UNC80: variants seen among roughly 807,000 people sequenced by gnomAD.
The protein encoded by UNC80 is unc-80 subunit of NALCN channel complex.
UNC80 carries 164 observed loss-of-function variants against 384.6 expected under a neutral mutation model. The observed-to-expected ratio is 0.43, with a 90% CI of 0.38 to 0.49. The LOEUF (loss-of-function observed/expected upper bound fraction) is 0.49, where lower values mean the gene tolerates loss of function less well. Ranked by LOEUF, UNC80 falls within the 20% of genes least tolerant of loss-of-function variation. UNC80 has a pLI of 0.00. For synonymous variants in UNC80, 1,486 were observed against 1,527.8 expected (o/e 0.97, Z 0.64); for missense variants, 3,330 against 4,143.0 (o/e 0.80, Z 5.39).
chr2:209,865,235 T>C (rs2083644625), intron 22 of UNC80, among the ~76,000 whole-genome samples: 1 of 151,866 alleles, frequency 6.6e-6, no homozygotes, highest in Non-Finnish European at 1.5e-5. Flanking sequence ...ATTATGTTTT[T>C]TTTTTCAATG....
chr2:209,928,372 T>C (rs1245393923), intron 36 of UNC80, among the ~76,000 whole-genome samples: 1 of 152,040 alleles, frequency 6.6e-6, no homozygotes, highest in African/African-American at 2.4e-5. Context: ...CACGTAAATA[T>C]ATATTTCATG....
chr2:209,881,141 A>G (rs1488497584), intron 25 of UNC80, 47 bp downstream of exon 25: 9 of 1,535,116 alleles, frequency 5.9e-6, no homozygotes, highest in Non-Finnish European at 7.0e-6. Context: ...CGGAGAGGCC[A>G]GGCGTGTGTC....
At chr2:209,943,262 A>G (rs2124981375) in intron 44 of UNC80, 118 bp from the exon 45 acceptor site, 1 of 1,302,816 alleles carries the variant, frequency 7.7e-7, no homozygotes, top group Non-Finnish European at 1.0e-6. Context: ...ATTCCTCTCT[A>G]CCAGTTTACA....
intron 17 of UNC80, 58 bp downstream of exon 17, chr2:209,834,226 CT>C (rs2081190376): frequency 6.7e-7 from 1 of 1,501,184 alleles, no homozygotes; most frequent in African/African-American, 1.4e-5. Context: ...AGAATAAAAT[CT>C]GTTGTACTGT....
At chr2:209,934,345 T>C (rs112047903) in intron 39 of UNC80, among the ~76,000 whole-genome samples, 23 of 152,280 alleles carry the variant, frequency 1.5e-4, no homozygotes, top group Non-Finnish European at 1.0e-4. Flanking sequence ...AAGAATAATA[T>C]TGTTTGTATG....
intron 43 of UNC80, 61 bp downstream of exon 43, chr2:209,939,713 T>C: frequency 7.1e-7 from 1 of 1,409,278 alleles, no homozygotes; most frequent in Non-Finnish European, 9.4e-7. Context: ...TTGTTTTTTT[T>C]TAAAATTTTA....
At chr2:209,815,657 T>C (rs2079682264) in intron 9 of UNC80, among the ~76,000 whole-genome samples, 1 of 152,122 alleles carries the variant, frequency 6.6e-6, no homozygotes, top group Admixed American at 6.5e-5. Context: ...TGTAAAGTAG[T>C]GTGGTGGTGG....
intron 7 of UNC80, among the ~76,000 whole-genome samples, chr2:209,809,880 T>C (rs1044006616): frequency 2.0e-5 from 3 of 152,168 alleles, no homozygotes; most frequent in Non-Finnish European, 4.4e-5. Context: ...TGAACTGGCT[T>C]TTCTGCATGT....
chr2:209,927,292 A>T (rs781173229), intron 36 of UNC80, among the ~76,000 whole-genome samples: 2 of 152,128 alleles, frequency 1.3e-5, no homozygotes, highest in Non-Finnish European at 2.9e-5. Context: ...AACCTTAGAA[A>T]TCTTAGCTAT....
In UNC80 at chr2:209,982,248, G is replaced by A. The variant is rs746488233; in HGVS notation, c.9188G>A (p.Arg3063Lys). The A allele has an allele frequency of 1.3e-6, 2 of 1,551,650 alleles. No homozygotes were observed. The highest frequency in any genetic ancestry group is 1.7e-6 in the Non-Finnish European group (2 of 1,146,970). ...EAYLLSAIGR[R>K]RFSSHVSSMS... ...TACCTCCTGAGTGCCATTGGAAGGA[G>A]GCGATTCTCCAGCCATGTCTCCAGC... The change falls in exon 60 of 65, where the codon AGG becomes AAG. Residue 3063 changes from arginine (R) to lysine (K), a missense_variant. Around this residue, in one of 8 missense-constraint regions of UNC80, gnomAD observed 216 missense variants for 245.3 expected, o/e 0.88. Coordinates refer to ENST00000673920, the MANE Select transcript of UNC80 (RefSeq NM_001371986.1).
intron 56 of UNC80, among the ~76,000 whole-genome samples, chr2:209,974,284 A>C (rs2092954606): frequency 6.6e-6 from 1 of 152,190 alleles, no homozygotes; most frequent in Non-Finnish European, 1.5e-5. Flanking sequence ...ATGAAAAAGG[A>C]GAAAAAGACA....
At chr2:209,936,310 C>G (rs182846236) in intron 40 of UNC80, among the ~76,000 whole-genome samples, 52 of 152,316 alleles carry the variant, frequency 3.4e-4, no homozygotes, top group Non-Finnish European at 6.5e-4. Context: ...TAAGACTTCT[C>G]TAGTCTCAGT....
At position 209,941,302 on chromosome 2, in the gene UNC80, C is replaced by T. The variant is rs1229965053; in HGVS notation, c.6728C>T (p.Pro2243Leu). 4 of 1,548,138 alleles carry T rather than the reference C, an allele frequency of 2.6e-6. No homozygotes were observed. Among genetic ancestry groups the T allele is most frequent in the African/African-American group, 1.4e-5 (1 of 72,984 alleles). Residue 2243 changes from proline to leucine, a missense_variant, in exon 44 of 65, where the codon CCG becomes CTG. Coordinates refer to ENST00000673920, the MANE Select transcript of UNC80 (RefSeq NM_001371986.1). ...CTGGAGGAAATGTTCCTGGGCATGC[C>T]GAGCGAGTTTCCATGGGGAGACGAA... Reference protein sequence around the residue: ...QLLEEMFLGMPSEFPWGDEIM... With the variant: ...QLLEEMFLGMLSEFPWGDEIM...
At chr2:209,792,841 T>TA (rs1197964840) in intron 6 of UNC80, among the ~76,000 whole-genome samples, 1 of 152,244 alleles carries the variant, frequency 6.6e-6, no homozygotes, top group Non-Finnish European at 1.5e-5. Context: ...GACCTATACT[T>TA]ACCTGTCTTG....
chr2:209,957,649 T>A lies in UNC80; in HGVS notation c.7463T>A (p.Met2488Lys), dbSNP rs1354752677. The A allele has an allele frequency of 6.4e-7, 1 of 1,551,358 alleles. No individual in the cohort carries two copies. Among genetic ancestry groups the A allele is most frequent in the South Asian group, 1.2e-5 (1 of 84,040 alleles). Residue 2488 changes from methionine (M) to lysine (K), a missense_variant, in exon 49 of 65, where the codon ATG (methionine) becomes AAG (lysine). Physicochemically the swap from Met to Lys is moderately conservative, Grantham distance 95 (BLOSUM62 -1). Coordinates refer to ENST00000673920, the MANE Select transcript of UNC80 (RefSeq NM_001371986.1). ...GATTACTGTCATTGTTACAGGCCCA[T>A]GACAGCCCCACAGATGAGCAGGTGT... ...LYSVEVLTRPMTAPQMSRCDQ... is the reference protein window; with the variant it reads ...LYSVEVLTRPKTAPQMSRCDQ...
At chr2:209,858,672 C>T (rs2083118036) in intron 22 of UNC80, among the ~76,000 whole-genome samples, 1 of 149,228 alleles carries the variant, frequency 6.7e-6, no homozygotes, top group African/African-American at 2.5e-5. Context: ...CTGGTCTCGG[C>T]CACAGAATGA....
chr2:209,885,982 C>T (rs1574888622), intron 25 of UNC80, among the ~76,000 whole-genome samples: 1 of 151,960 alleles, frequency 6.6e-6, no homozygotes, highest in African/African-American at 2.4e-5. Context: ...CCAGGCTGGT[C>T]TCAAACTCCT....
chr2:209,778,487 T>C (rs1192206583), intron 4 of UNC80, among the ~76,000 whole-genome samples: 2 of 152,226 alleles, frequency 1.3e-5, no homozygotes, highest in Admixed American at 6.5e-5. Context: ...TTTTAAAATA[T>C]TTTTAAATGC....
At chr2:209,984,024 G>GAAA (rs1462858086) in intron 60 of UNC80, among the ~76,000 whole-genome samples, 17 of 152,120 alleles carry the variant, frequency 1.1e-4, no homozygotes, top group Non-Finnish European at 2.1e-4. Context: ...AAATGGTTTA[G>GAAA]TTCTCTCCAA....
Sources: allele counts gnomAD v4.1 joint callset (sites outside exome capture counted in the v4.1 genomes callset), GRCh38; gene constraint gnomAD v4.1.1; regional missense constraint gnomAD v4.1.1; transcripts MANE v1.5; gene names NCBI Gene and HGNC (gene_info 2026-07-23, HGNC 2026-07-21).